PARD3: variants seen among roughly 807,000 people sequenced by gnomAD.
PARD3 encodes the protein par-3 family cell polarity regulator.
In PARD3, 75 loss-of-function variants were observed where a neutral mutation model predicts 155.4. That is an observed-to-expected ratio of 0.48 (90% CI 0.40 to 0.58). PARD3 has a LOEUF of 0.58. Among genes scored for constraint, PARD3 ranks in the 20% least tolerant of loss-of-function variants. The pLI, the probability that PARD3 is intolerant of heterozygous loss-of-function variation, is 0.00. For missense variants in PARD3, 1,642 were observed against 1,721.7 expected (o/e 0.95, Z 0.82); for synonymous variants, 576 against 610.5 (o/e 0.94, Z 0.83).
chr10:34,456,336 G>A (rs1481590725), intron 4 of PARD3, among the ~76,000 whole-genome samples: 5 of 151,980 alleles, frequency 3.3e-5, no homozygotes, highest in African/African-American at 1.2e-4. Context: ...TGCTCTTGTG[G>A]CCCAGGCTGG....
intron 19 of PARD3, among the ~76,000 whole-genome samples, chr10:34,329,598 G>A (rs937281099): frequency 6.6e-6 from 1 of 152,102 alleles, no homozygotes; most frequent in Non-Finnish European, 1.5e-5. Flanking sequence ...ATTCACAGCC[G>A]GGAGGAAGAG....
chr10:34,693,050 T>A (rs2477010), intron 2 of PARD3, among the ~76,000 whole-genome samples: 59,544 of 151,924 alleles, frequency 0.39, 12,600 homozygotes, highest in African/African-American at 0.53. Context: ...AAACAATACA[T>A]CCGTGTCGCG....
At chr10:34,696,168 C>A in intron 2 of PARD3, 150 bp downstream of exon 2, 1 of 539,878 alleles carries the variant, frequency 1.9e-6, no homozygotes, top group Non-Finnish European at 3.3e-6. Context: ...ATTCATGATA[C>A]TTATTATAAA....
At chr10:34,326,269 T>C (rs1175840925) in intron 19 of PARD3, among the ~76,000 whole-genome samples, 1 of 152,126 alleles carries the variant, frequency 6.6e-6, no homozygotes, top group Non-Finnish European at 1.5e-5. Flanking sequence ...TTCACAACCA[T>C]ACACCCATAC....
At chr10:34,250,456 T>C (rs755347226) in intron 22 of PARD3, among the ~76,000 whole-genome samples, 10 of 152,206 alleles carry the variant, frequency 6.6e-5, no homozygotes, top group Non-Finnish European at 8.8e-5. Flanking sequence ...CTTTAAATCA[T>C]ACCTAGCTAA....
chr10:34,658,756 G>C (rs1210685318), intron 2 of PARD3, among the ~76,000 whole-genome samples: 1 of 152,152 alleles, frequency 6.6e-6, no homozygotes, highest in Admixed American at 6.5e-5. Flanking sequence ...CCAGGGAGCA[G>C]CTAGCAAAGG....
At chr10:34,599,139 C>T (rs750505771) in intron 2 of PARD3, among the ~76,000 whole-genome samples, 2 of 152,196 alleles carry the variant, frequency 1.3e-5, no homozygotes, top group African/African-American at 2.4e-5. Context: ...CACAAGCAAC[C>T]GCATCCCCAC....
intron 3 of PARD3, among the ~76,000 whole-genome samples, chr10:34,513,175 T>C (rs1179108223): frequency 6.6e-6 from 1 of 152,204 alleles, no homozygotes; most frequent in African/African-American, 2.4e-5. Context: ...TTTATAATTG[T>C]GTAAAAGATA....
At chr10:34,737,438 G>C (rs1473266059) in intron 1 of PARD3, among the ~76,000 whole-genome samples, 1 of 152,170 alleles carries the variant, frequency 6.6e-6, no homozygotes, top group Non-Finnish European at 1.5e-5. Flanking sequence ...AAAGACGTCT[G>C]CCCAACACTA....
intron 1 of PARD3, among the ~76,000 whole-genome samples, chr10:34,790,039 T>C (rs11009935): frequency 0.35 from 53,295 of 152,002 alleles, 10,444 homozygotes; most frequent in African/African-American, 0.54. Context: ...GTTTGAATCA[T>C]GGGAAAGCTT....
intron 22 of PARD3, among the ~76,000 whole-genome samples, chr10:34,170,921 G>A (rs1033209011): frequency 3.3e-5 from 5 of 152,172 alleles, no homozygotes; most frequent in East Asian, 3.9e-4. Flanking sequence ...TGTGCTAGAC[G>A]CGGAATTCAA....
chr10:34,221,140 G>A (rs752848042), intron 22 of PARD3, among the ~76,000 whole-genome samples: 2 of 152,190 alleles, frequency 1.3e-5, no homozygotes, highest in African/African-American at 2.4e-5. Context: ...TGCTGTTCCC[G>A]TCTTGCCACT....
intron 1 of PARD3, among the ~76,000 whole-genome samples, chr10:34,729,543 AAAGAT>A (rs1370674463): frequency 1.3e-4 from 20 of 152,064 alleles, no homozygotes; most frequent in South Asian, 4.2e-4. Context: ...AAAAAAAAAA[AAAGAT>A]AAGATAAGAT....
At chr10:34,151,037 G>T (rs1948753910) in intron 22 of PARD3, among the ~76,000 whole-genome samples, 1 of 152,166 alleles carries the variant, frequency 6.6e-6, no homozygotes, top group Admixed American at 6.5e-5. Flanking sequence ...CTTTGCAGAT[G>T]AACTATTTAG....
intron 1 of PARD3, among the ~76,000 whole-genome samples, chr10:34,778,488 G>C (rs1222064369): frequency 6.6e-6 from 1 of 152,164 alleles, no homozygotes; most frequent in Non-Finnish European, 1.5e-5. Flanking sequence ...GAATTAACAA[G>C]GGGGAAAATG....
intron 21 of PARD3, among the ~76,000 whole-genome samples, chr10:34,272,131 T>A (rs535230858): frequency 1.3e-5 from 2 of 152,140 alleles, no homozygotes; most frequent in South Asian, 4.2e-4. Flanking sequence ...AAAGGAAAAA[T>A]AAATTTCATA....
chr10:34,220,462 G>A (rs890791057), intron 22 of PARD3, among the ~76,000 whole-genome samples: 1 of 152,182 alleles, frequency 6.6e-6, no homozygotes, highest in East Asian at 1.9e-4. Flanking sequence ...ACACCCCAGA[G>A]TGCATTTTAC....
intron 7 of PARD3, among the ~76,000 whole-genome samples, chr10:34,394,245 C>T (rs1318589627): frequency 3.9e-5 from 6 of 152,130 alleles, no homozygotes; most frequent in East Asian, 1.9e-4. Context: ...ACGCTGGTCT[C>T]GCACTCCTGA....
At chr10:34,282,723 C>T (rs1956215857) in intron 21 of PARD3, among the ~76,000 whole-genome samples, 1 of 152,064 alleles carries the variant, frequency 6.6e-6, no homozygotes, top group Non-Finnish European at 1.5e-5. Flanking sequence ...TCTGAGTTCA[C>T]ACATTTACCT....
Sources: allele counts gnomAD v4.1 joint callset (sites outside exome capture counted in the v4.1 genomes callset), GRCh38; gene constraint gnomAD v4.1.1; transcripts MANE v1.5; gene names NCBI Gene and HGNC (gene_info 2026-07-23, HGNC 2026-07-21).